GNA14: variants seen among roughly 807,000 people sequenced by gnomAD.
GNA14 encodes the protein guanine nucleotide-binding protein subunit alpha-14.
GNA14 carries 50 observed loss-of-function variants against 42.0 expected under a neutral mutation model. The ratio of observed to expected loss-of-function variants is 1.19; its 90% CI spans 0.95 to 1.51. The LOEUF (loss-of-function observed/expected upper bound fraction) is 1.51, where lower values mean the gene tolerates loss of function less well. GNA14 is among the 40% of genes most tolerant of loss of function. The probability of loss-of-function intolerance (pLI) is 0.00; values close to 1 mark genes in which losing one functional copy is unlikely to be tolerated. For synonymous variants in GNA14, 173 were observed against 163.1 expected (o/e 1.06, Z -0.46); for missense variants, 473 against 446.2 (o/e 1.06, Z -0.54).
intron 2 of GNA14, among the ~76,000 whole-genome samples, chr9:77,444,566 C>T (rs1835784479): frequency 6.6e-6 from 1 of 152,210 alleles, no homozygotes; most frequent in South Asian, 2.1e-4. Flanking sequence ...CCCTGCTTTG[C>T]ATCCCCGTTT....
At chr9:77,504,329 A>C (rs1382639143) in intron 2 of GNA14, among the ~76,000 whole-genome samples, 1 of 152,104 alleles carries the variant, frequency 6.6e-6, no homozygotes, top group Non-Finnish European at 1.5e-5. Flanking sequence ...TCATTTCACA[A>C]GACCTGCTCT....
At chr9:77,543,803 G>C (rs1429735460) in intron 1 of GNA14, among the ~76,000 whole-genome samples, 1 of 152,160 alleles carries the variant, frequency 6.6e-6, no homozygotes, top group African/African-American at 2.4e-5. Context: ...TGTATTTAAA[G>C]TGTGAATATC....
rs571715673 is a variant in GNA14, at chr9:77,520,208, A to G, written c.309+8861T>C. On this transcript the variant is annotated intron_variant, in intron 2 of 6. Coordinates refer to ENST00000341700, the MANE Select transcript of GNA14 (RefSeq NM_004297.4). ...AATAAGCAAATCGGCCCCTGAATTCACTAATACCAGATGAACACCTGAATC... is the reference window on the plus strand; with the variant it reads ...AATAAGCAAATCGGCCCCTGAATTCGCTAATACCAGATGAACACCTGAATC... 2.2e-4 allele frequency among the ~76,000 whole-genome samples: 33 copies of G among 152,306 alleles called. No individual in the cohort carries two copies. In the South Asian group the frequency reaches 6.8e-3, roughly 32 times the overall value.
chr9:77,621,146 C>T (rs1823916037), intron 1 of GNA14, among the ~76,000 whole-genome samples: 2 of 151,976 alleles, frequency 1.3e-5, no homozygotes, highest in African/African-American at 4.8e-5. Flanking sequence ...GTTGACCAGG[C>T]TGGTCTCAAA....
At chr9:77,632,336 C>T (rs534277526) in intron 1 of GNA14, among the ~76,000 whole-genome samples, 1 of 152,258 alleles carries the variant, frequency 6.6e-6, no homozygotes, top group African/African-American at 2.4e-5. Flanking sequence ...GAGGTGGGTC[C>T]CTAGTGAGGG....
chr9:77,474,686 A>G (rs1836389026), intron 2 of GNA14, among the ~76,000 whole-genome samples: 2 of 152,144 alleles, frequency 1.3e-5, no homozygotes, highest in African/African-American at 2.4e-5. Context: ...CTACACAAAA[A>G]CCTGTTCATG....
intron 2 of GNA14, among the ~76,000 whole-genome samples, chr9:77,481,397 C>T (rs1346341083): frequency 3.3e-5 from 5 of 152,190 alleles, no homozygotes; most frequent in Non-Finnish European, 7.3e-5. Flanking sequence ...AGTTTGATTG[C>T]ACTATGGTCT....
intron 2 of GNA14, among the ~76,000 whole-genome samples, chr9:77,473,995 C>T (rs955056893): frequency 2.0e-5 from 3 of 152,030 alleles, no homozygotes; most frequent in Non-Finnish European, 4.4e-5. Flanking sequence ...ATAAAATATA[C>T]AAAAATTAAC....
chr9:77,492,816 A>G (rs1836799832), intron 2 of GNA14, among the ~76,000 whole-genome samples: 1 of 151,578 alleles, frequency 6.6e-6, no homozygotes, highest in South Asian at 2.1e-4. Context: ...AGCCTGGCCA[A>G]CATAATGAAC....
At chr9:77,575,970 A>C (rs1056029771) in intron 1 of GNA14, among the ~76,000 whole-genome samples, 1 of 152,370 alleles carries the variant, frequency 6.6e-6, no homozygotes, top group African/African-American at 2.4e-5. Flanking sequence ...AGAAGGGGGT[A>C]GAAGCTGCAC....
intron 1 of GNA14, among the ~76,000 whole-genome samples, chr9:77,635,464 A>C (rs1824169046): frequency 6.6e-6 from 1 of 152,198 alleles, no homozygotes; most frequent in African/African-American, 2.4e-5. Flanking sequence ...TAATTTTAGC[A>C]CTTAAATTGA....
intron 1 of GNA14, among the ~76,000 whole-genome samples, chr9:77,573,131 G>C (rs1037476675): frequency 1.3e-5 from 2 of 152,120 alleles, no homozygotes; most frequent in Non-Finnish European, 2.9e-5. Context: ...TGGGTTGCAG[G>C]AGAGGGGAGC....
chr9:77,426,056 T>C (rs910954352), intron 5 of GNA14, among the ~76,000 whole-genome samples: 2 of 152,198 alleles, frequency 1.3e-5, no homozygotes, highest in Non-Finnish European at 2.9e-5. Flanking sequence ...CTGTGTCATG[T>C]GATCGTTGGG....
intron 2 of GNA14, among the ~76,000 whole-genome samples, chr9:77,480,635 C>T (rs1199048949): frequency 6.6e-6 from 1 of 152,192 alleles, no homozygotes; most frequent in Admixed American, 6.5e-5. Context: ...ACCAGCTCCT[C>T]CTTGTACATC....
chr9:77,545,667 G>C (rs1837710167), intron 1 of GNA14, among the ~76,000 whole-genome samples: 1 of 152,078 alleles, frequency 6.6e-6, no homozygotes, highest in African/African-American at 2.4e-5. Context: ...TATCCCTGTA[G>C]ACCTGCTGAT....
intron 1 of GNA14, among the ~76,000 whole-genome samples, chr9:77,617,709 C>T (rs900232245): frequency 9.9e-5 from 15 of 152,054 alleles, no homozygotes; most frequent in Non-Finnish European, 2.1e-4. Context: ...CTGCCTATCA[C>T]TCTCTCTCTT....
Position 77,529,195 on chromosome 9 carries a change from A to G in GNA14, c.183T>C (p.Ser61=). 1 of 1,614,024 alleles carries G rather than the reference A, an allele frequency of 6.2e-7. No homozygotes were observed. The highest frequency in any genetic ancestry group is 8.5e-7 in the Non-Finnish European group (1 of 1,179,888). ...CCTTTCTGTCTTCGTCGCTGTAACC[A>G]GACCCATGGATAATTCTCATCTGCT... ...FIKQMRIIHG[S]GYSDEDRKGF... The change falls in exon 2 of 7, where the codon TCT becomes TCC. Residue 61 remains serine (S), a synonymous_variant. Coordinates refer to ENST00000341700, the MANE Select transcript of GNA14 (RefSeq NM_004297.4).
chr9:77,516,195 C>T (rs1837254919), intron 2 of GNA14, among the ~76,000 whole-genome samples: 3 of 152,108 alleles, frequency 2.0e-5, no homozygotes, highest in African/African-American at 2.4e-5. Context: ...CCCATTTTGT[C>T]TTCTCTTGGG....
chr9:77,596,960 T>C (rs563833049), intron 1 of GNA14, among the ~76,000 whole-genome samples: 2 of 152,354 alleles, frequency 1.3e-5, no homozygotes, highest in East Asian at 3.9e-4. Flanking sequence ...TGTTGATTGA[T>C]GTCTCATGTC....
Sources: gnomAD v4.1 joint callset for allele counts (sites outside exome capture counted in the v4.1 genomes callset) on GRCh38, gnomAD v4.1.1 for gene constraint, MANE v1.5 for transcripts, NCBI Gene and HGNC (gene_info 2026-07-23, HGNC 2026-07-21) for gene names.